The following LARP4B variants were observed in gnomAD, a reference collection of about 807,000 sequenced individuals.
LARP4B encodes La ribonucleoprotein 4B, also known as la-related protein 4B.
A neutral mutation model predicts 89.8 loss-of-function variants in LARP4B; 12 were observed. That is an observed-to-expected ratio of 0.13 (90% confidence interval 0.09 to 0.22). LARP4B has a LOEUF of 0.22. Ranked by LOEUF, LARP4B falls within the 10% of genes least tolerant of loss-of-function variation. The probability of loss-of-function intolerance (pLI) is 1.00; values close to 1 mark genes in which losing one functional copy is unlikely to be tolerated. For synonymous variants in LARP4B, 367 were observed against 363.3 expected (o/e 1.01, Z -0.12); for missense variants, 757 against 947.7 (o/e 0.80, Z 2.64).
intron 1 of LARP4B, among the ~76,000 whole-genome samples, chr10:918,512 T>A (rs1836888188): frequency 6.6e-6 from 1 of 151,530 alleles, no homozygotes; most frequent in Non-Finnish European, 1.5e-5. Context: ...CACGTGCCTG[T>A]AGTCCCAGCT....
chr10:922,220 A>G (rs914113284), intron 1 of LARP4B, among the ~76,000 whole-genome samples: 3 of 152,186 alleles, frequency 2.0e-5, no homozygotes, highest in African/African-American at 7.2e-5. Context: ...AGCTCTTATG[A>G]GAATCTAGCG....
intron 5 of LARP4B, among the ~76,000 whole-genome samples, chr10:847,839 C>G (rs1833850986): frequency 6.6e-6 from 1 of 152,124 alleles, no homozygotes; most frequent in African/African-American, 2.4e-5. Context: ...TGACATGAGA[C>G]ATTAAAGTAA....
intron 1 of LARP4B, among the ~76,000 whole-genome samples, chr10:911,805 C>T (rs749221532): frequency 1.4e-4 from 22 of 152,080 alleles, no homozygotes; most frequent in African/African-American, 4.8e-4. Flanking sequence ...CGGGGGCTTT[C>T]GGGATTACTT....
intron 15 of LARP4B, chr10:815,447 A>G (rs998073566): frequency 6.3e-6 from 1 of 158,598 alleles, no homozygotes; most frequent in African/African-American, 2.4e-5. Flanking sequence ...ATCCTAACAC[A>G]GTCCAACACA....
chr10:927,578 C>G (rs2132063969), intron 1 of LARP4B, among the ~76,000 whole-genome samples: 1 of 152,314 alleles, frequency 6.6e-6, no homozygotes, highest in East Asian at 1.9e-4. Context: ...TAAACTCAGA[C>G]CTGATGAGGT....
intron 1 of LARP4B, among the ~76,000 whole-genome samples, chr10:917,418 T>A (rs1320403450): frequency 6.6e-6 from 1 of 152,232 alleles, no homozygotes. Context: ...AAAACCGGTT[T>A]ATTGTAACAG....
intron 9 of LARP4B, 127 bp downstream of exon 9, chr10:830,740 C>T: frequency 1.8e-6 from 1 of 566,160 alleles, no homozygotes; most frequent in Non-Finnish European, 3.2e-6. Context: ...AACTTGATTT[C>T]CTCTGCAGAT....
intron 1 of LARP4B, among the ~76,000 whole-genome samples, chr10:914,121 A>G (rs1208200188): frequency 2.0e-5 from 3 of 152,224 alleles, no homozygotes; most frequent in Non-Finnish European, 4.4e-5. Context: ...TTTAGGTTAT[A>G]AACAAAAATT....
At chr10:907,452 G>A (rs1201859619) in intron 1 of LARP4B, among the ~76,000 whole-genome samples, 1 of 152,158 alleles carries the variant, frequency 6.6e-6, no homozygotes, top group African/African-American at 2.4e-5. Flanking sequence ...TCTAGACTTT[G>A]TATATGCATA....
chr10:808,756 C>CATACACACACACACGCACACAT (rs199929931), downstream of LARP4B: 1 of 150,062 alleles, frequency 6.7e-6, no homozygotes, highest in African/African-American at 2.5e-5. Context: ...TGCACGCACA[C>CATACACACACACACGCACACAT]ACACACACAC....
intron 8 of LARP4B, among the ~76,000 whole-genome samples, chr10:835,076 C>T (rs1833129486): frequency 6.6e-6 from 1 of 151,070 alleles, no homozygotes; most frequent in Non-Finnish European, 1.5e-5. Flanking sequence ...ATATGCTGGT[C>T]CTTCATATTC....
chr10:815,204 G>T (rs1163360027), intron 15 of LARP4B, 134 bp from the exon 16 acceptor site: 1 of 1,054,990 alleles, frequency 9.5e-7, no homozygotes, highest in Non-Finnish European at 1.3e-6. Flanking sequence ...GTCTTCTCCA[G>T]CAAAAATGTC....
chr10:954,708 C>A, the LARP4B span, among the ~76,000 whole-genome samples: 1 of 152,144 alleles, frequency 6.6e-6, no homozygotes, highest in Admixed American at 6.5e-5. This position sits in a 1 kb window ranked among gnomAD's most constrained non-coding sequence, Gnocchi z 5.0. Flanking sequence ...TCGCTCACTG[C>A]TGGTGCGACA....
chr10:864,127 C>G lies in LARP4B; in HGVS notation c.285G>C (p.Pro95=), dbSNP rs762429572. 1.9e-6 allele frequency: 3 copies of G among 1,614,018 alleles called. No homozygotes were observed. The highest frequency in any genetic ancestry group is 2.7e-5 in the African/African-American group (2 of 74,932). The change falls in exon 4 of 18, where the codon CCG becomes CCC. Residue 95 remains proline (P), a synonymous_variant. Transcript: ENST00000316157. ...EVAGHHADRG[P]QGSDANGDGD... ...CCACGGCCATGCTCAACTTACCCTG[C>G]GGGCCACGGTCTGCGTGGTGGCCAG...
At chr10:824,983 G>A (rs539520658) in intron 13 of LARP4B, 82 bp downstream of exon 13, 1 of 1,334,878 alleles carries the variant, frequency 7.5e-7, no homozygotes, top group East Asian at 2.6e-5. Context: ...CATATTTAAA[G>A]ACAATTACAA....
chr10:839,830 C>T (rs530149388), intron 7 of LARP4B, among the ~76,000 whole-genome samples: 4 of 152,162 alleles, frequency 2.6e-5, no homozygotes, highest in Non-Finnish European at 5.9e-5. Context: ...CATGGTCACA[C>T]GGAGACTTTT....
At chr10:831,043 T>C (rs1588874689) in intron 8 of LARP4B, 66 bp from the exon 9 acceptor site, 1 of 672,862 alleles carries the variant, frequency 1.5e-6, no homozygotes, top group African/African-American at 1.9e-5. Flanking sequence ...CACCAAAAAT[T>C]TTTTTAACAA....
the LARP4B span, among the ~76,000 whole-genome samples, chr10:960,114 G>A: frequency 6.6e-6 from 1 of 152,174 alleles, no homozygotes; most frequent in Non-Finnish European, 1.5e-5. Context: ...ATGTCACTAA[G>A]CGGAAGAAGC....
At chr10:949,412 A>T in the LARP4B span, among the ~76,000 whole-genome samples, 1 of 150,876 alleles carries the variant, frequency 6.6e-6, no homozygotes, top group Admixed American at 6.6e-5. Flanking sequence ...GTTGTTTTCC[A>T]GGTGGCTGTA....
Sources: allele counts gnomAD v4.1 joint callset (sites outside exome capture counted in the v4.1 genomes callset), GRCh38; gene constraint gnomAD v4.1.1; non-coding constraint Gnocchi (gnomAD v3.1); transcripts MANE v1.5; gene names NCBI Gene and HGNC (gene_info 2026-07-23, HGNC 2026-07-21).